The following EPHA4 variants were observed in gnomAD, a reference collection of about 807,000 sequenced individuals.
EPHA4 encodes ephrin type-A receptor 4.
In EPHA4, 19 loss-of-function variants were observed where a neutral mutation model predicts 108.3. The ratio of observed to expected loss-of-function variants is 0.18; its 90% CI spans 0.12 to 0.26. The LOEUF (loss-of-function observed/expected upper bound fraction) is 0.26, where lower values mean the gene tolerates loss of function less well. Among genes scored for constraint, EPHA4 ranks in the 10% least tolerant of loss-of-function variants. The probability of loss-of-function intolerance (pLI) is 1.00; values close to 1 mark genes in which losing one functional copy is unlikely to be tolerated. For synonymous variants in EPHA4, 449 were observed against 455.5 expected (o/e 0.99, Z 0.18); for missense variants, 917 against 1,254.0 (o/e 0.73, Z 4.06).
At chr2:221,445,372 G>A (rs1559243791) in intron 9 of EPHA4, among the ~76,000 whole-genome samples, 2 of 151,826 alleles carry the variant, frequency 1.3e-5, no homozygotes, top group Non-Finnish European at 2.9e-5. Flanking sequence ...GGCGGATCAC[G>A]AGGTCAGGAG....
intron 8 of EPHA4, among the ~76,000 whole-genome samples, chr2:221,450,114 A>G (rs1288124210): frequency 6.6e-6 from 1 of 152,236 alleles, no homozygotes; most frequent in Non-Finnish European, 1.5e-5. Context: ...GAGCTGAATT[A>G]GGCTAACATT....
chr2:221,513,917 A>G (rs1183078104), intron 3 of EPHA4, among the ~76,000 whole-genome samples: 2 of 152,184 alleles, frequency 1.3e-5, no homozygotes, highest in African/African-American at 2.4e-5. Flanking sequence ...AAATTTATGG[A>G]GAATTTGCAC....
At chr2:221,535,821 G>C (rs187571585) in intron 3 of EPHA4, among the ~76,000 whole-genome samples, 22 of 152,280 alleles carry the variant, frequency 1.4e-4, no homozygotes, top group Non-Finnish European at 5.9e-5. Context: ...AGTAGGGAAA[G>C]AATCTTACAT....
At chr2:221,490,231 A>G (rs115636412) in intron 4 of EPHA4, among the ~76,000 whole-genome samples, 12 of 151,138 alleles carry the variant, frequency 7.9e-5, no homozygotes, top group African/African-American at 2.9e-4. Flanking sequence ...ATAAAGAGAG[A>G]AAAAATGGCA....
chr2:221,497,872 C>G (rs1574612655), intron 4 of EPHA4, among the ~76,000 whole-genome samples: 2 of 152,190 alleles, frequency 1.3e-5, no homozygotes, highest in South Asian at 2.1e-4. Flanking sequence ...AGCCTTCCTT[C>G]CCTTCACCTT....
At chr2:221,540,822 C>T (rs922929045) in intron 3 of EPHA4, among the ~76,000 whole-genome samples, 2 of 152,026 alleles carry the variant, frequency 1.3e-5, no homozygotes, top group Non-Finnish European at 2.9e-5. Context: ...GTCGAAACCT[C>T]ACTGACATAG....
intron 17 of EPHA4, among the ~76,000 whole-genome samples, chr2:221,422,882 A>C (rs1280169431): frequency 7.9e-5 from 12 of 152,224 alleles, no homozygotes; most frequent in Admixed American, 7.8e-4. Context: ...AATTTTATAA[A>C]TGTCAAGGCT....
intron 3 of EPHA4, among the ~76,000 whole-genome samples, chr2:221,560,058 C>T (rs1462882107): frequency 6.6e-6 from 1 of 152,158 alleles, no homozygotes; most frequent in Non-Finnish European, 1.5e-5. Flanking sequence ...CCTTTGACGA[C>T]TCAGTGGATG....
At chr2:221,557,873 A>T (rs969509768) in intron 3 of EPHA4, among the ~76,000 whole-genome samples, 1 of 152,188 alleles carries the variant, frequency 6.6e-6, no homozygotes, top group South Asian at 2.1e-4. Flanking sequence ...AGTTCTACTA[A>T]ATTCATATGT....
At chr2:221,506,801 G>A (rs1351002336) in intron 3 of EPHA4, among the ~76,000 whole-genome samples, 2 of 152,104 alleles carry the variant, frequency 1.3e-5, no homozygotes, top group Non-Finnish European at 2.9e-5. Context: ...GAAGACCAAG[G>A]ATATGATGAA....
intron 3 of EPHA4, among the ~76,000 whole-genome samples, chr2:221,515,745 A>T (rs1692970660): frequency 6.6e-6 from 1 of 152,138 alleles, no homozygotes; most frequent in Non-Finnish European, 1.5e-5. Flanking sequence ...TGAGCCCAGG[A>T]GGTCAAGGCC....
intron 3 of EPHA4, among the ~76,000 whole-genome samples, chr2:221,517,475 AG>A (rs958219888): frequency 1.3e-5 from 2 of 152,118 alleles, no homozygotes; most frequent in Admixed American, 1.3e-4. Flanking sequence ...CGTGGATGAC[AG>A]GAAGTATGAT....
chr2:221,570,026 C>A (rs760559547), intron 1 of EPHA4, among the ~76,000 whole-genome samples: 19 of 151,830 alleles, frequency 1.3e-4, no homozygotes, highest in Non-Finnish European at 2.8e-4. Context: ...CCACCGCAAC[C>A]ATTCTCTTCT....
chr2:221,436,662 C>G, intron 12 of EPHA4, 54 bp from the exon 13 acceptor site: 2 of 1,525,842 alleles, frequency 1.3e-6, no homozygotes, highest in Non-Finnish European at 1.8e-6. Context: ...CAAGTTAATT[C>G]TCACCAAGCA....
At chr2:221,465,367 G>A (rs1158399696) in intron 5 of EPHA4, among the ~76,000 whole-genome samples, 1 of 152,048 alleles carries the variant, frequency 6.6e-6, no homozygotes, top group Non-Finnish European at 1.5e-5. Flanking sequence ...CCAGAGAGAT[G>A]GGCAACGGAT....
At chr2:221,554,570 T>TG (rs1559291480) in intron 3 of EPHA4, among the ~76,000 whole-genome samples, 1 of 152,082 alleles carries the variant, frequency 6.6e-6, no homozygotes, top group Non-Finnish European at 1.5e-5. Flanking sequence ...TTGGAGACAC[T>TG]GGGGGGAGTG....
At chr2:221,441,197 CTTTTTTT>C (rs201795751) in intron 11 of EPHA4, among the ~76,000 whole-genome samples, 1 of 132,100 alleles carries the variant, frequency 7.6e-6, no homozygotes, top group Admixed American at 7.6e-5. Flanking sequence ...CTTTTCTTTT[CTTTTTTT>C]TTTTTTTTTT....
At chr2:221,476,468 G>A (rs184669770) in intron 5 of EPHA4, among the ~76,000 whole-genome samples, 29 of 152,280 alleles carry the variant, frequency 1.9e-4, no homozygotes, top group Admixed American at 1.4e-3. Flanking sequence ...CATAGTCAGA[G>A]GCAGATTTTT....
In EPHA4 at chr2:221,485,487, G is replaced by C. The variant is rs1341980442; in HGVS notation, c.980-2797C>G. ...GTTTTATGCTTTGCTATCATAGAGA[G>C]TGACAGCTTTGTGGGGACACTGTCG... is the stretch of plus-strand genomic sequence containing the variant. On this transcript the variant is annotated intron_variant, in intron 4 of 17. Coordinates refer to ENST00000281821, the MANE Select transcript of EPHA4 (RefSeq NM_004438.5). Among the ~76,000 whole-genome samples the C allele has an allele frequency of 3.3e-5, 5 of 152,296 alleles. No homozygotes were observed. In the East Asian group the frequency reaches 9.7e-4, roughly 29 times the overall value.
Sources: allele counts gnomAD v4.1 joint callset (sites outside exome capture counted in the v4.1 genomes callset), GRCh38; gene constraint gnomAD v4.1.1; transcripts MANE v1.5; gene names NCBI Gene and HGNC (gene_info 2026-07-23, HGNC 2026-07-21).